ADCY8: variants seen among roughly 807,000 people sequenced by gnomAD.
The protein encoded by ADCY8 is adenylate cyclase 8, also known as adenylate cyclase type 8.
In ADCY8, 51 loss-of-function variants were observed where a neutral mutation model predicts 119.7. The observed-to-expected ratio is 0.43, with a 90% CI of 0.34 to 0.54. ADCY8 has a LOEUF of 0.54. Among genes scored for constraint, ADCY8 ranks in the 20% least tolerant of loss-of-function variants. ADCY8 has a pLI of 0.03. For synonymous variants in ADCY8, 665 were observed against 651.0 expected, an observed-to-expected ratio of 1.02 and a Z score of -0.33; for missense variants, 1,383 against 1,598.8, an observed-to-expected ratio of 0.87 and a Z score of 2.30.
intron 5 of ADCY8, among the ~76,000 whole-genome samples, chr8:130,936,438 T>A (rs1264287838): frequency 6.6e-6 from 1 of 152,220 alleles, no homozygotes. Flanking sequence ...GAAGGTCATA[T>A]GGGCTCTGGC....
chr8:130,794,585 C>T (rs1311598376), intron 15 of ADCY8, among the ~76,000 whole-genome samples: 1 of 152,134 alleles, frequency 6.6e-6, no homozygotes, highest in Admixed American at 6.5e-5. Context: ...TTTGTTACAG[C>T]CACACTAGAA....
intron 12 of ADCY8, among the ~76,000 whole-genome samples, chr8:130,829,106 C>T (rs1238763130): frequency 6.6e-6 from 1 of 152,206 alleles, no homozygotes; most frequent in Non-Finnish European, 1.5e-5. Context: ...CCTAGTTCCT[C>T]TGGTTCCATG....
rs559150521 is a variant in ADCY8 at position 130,840,153 on chromosome 8, T to G, written c.2503-3704A>C. ...AGTATGAGGAAAAGGCAGTGAGTTC[T>G]TTTTTTAGGCCTATCAAGCTTTAGG... On this transcript the variant is annotated intron_variant, in intron 11 of 17. Transcript: ENST00000286355. Among the ~76,000 whole-genome samples the G allele has an allele frequency of 7.9e-5, 11 of 139,176 alleles. 4 individuals carry two copies. The highest frequency in any genetic ancestry group is 1.8e-4 in the Non-Finnish European group (11 of 61,642). 91.3% of individuals were successfully genotyped at this position (139,176 alleles called of 152,430 possible). A position where few individuals can be genotyped will look rare whatever the true frequency, so the allele number is the denominator to read the frequency against.
intron 2 of ADCY8, among the ~76,000 whole-genome samples, chr8:130,967,805 C>G (rs1420685666): frequency 6.6e-6 from 1 of 152,064 alleles, no homozygotes; most frequent in Non-Finnish European, 1.5e-5. Flanking sequence ...AAAGCTCTTT[C>G]CTGATTTGTT....
At chr8:130,952,540 A>G (rs1821305427) in intron 2 of ADCY8, among the ~76,000 whole-genome samples, 1 of 138,318 alleles carries the variant, frequency 7.2e-6, no homozygotes. Flanking sequence ...GGTGATAGCA[A>G]TGAGGTTGGA....
At chr8:130,910,006 C>A (rs372897870) in intron 5 of ADCY8, 140 bp from the exon 6 acceptor site, 1 of 732,402 alleles carries the variant, frequency 1.4e-6, no homozygotes, top group African/African-American at 1.8e-5. Flanking sequence ...GGAGCTGCAA[C>A]CTCTGCCTCC....
intron 7 of ADCY8, among the ~76,000 whole-genome samples, chr8:130,887,315 A>G (rs1819025616): frequency 6.6e-6 from 1 of 152,106 alleles, no homozygotes; most frequent in South Asian, 2.1e-4. Context: ...TTGGCTGTCT[A>G]TGTGGTTGCT....
chr8:130,897,851 T>A (rs1381060955), intron 7 of ADCY8, among the ~76,000 whole-genome samples: 2 of 138,704 alleles, frequency 1.4e-5, no homozygotes, highest in African/African-American at 5.3e-5. Flanking sequence ...ACATACATAA[T>A]ACACATATAA....
intron 7 of ADCY8, among the ~76,000 whole-genome samples, chr8:130,897,134 C>A (rs1250766124): frequency 1.3e-5 from 2 of 152,036 alleles, no homozygotes; most frequent in Non-Finnish European, 1.5e-5. Flanking sequence ...TCAATTCCTG[C>A]AGAGATTTAC....
intron 2 of ADCY8, among the ~76,000 whole-genome samples, chr8:130,981,693 GT>G (rs1297674075): frequency 1.3e-5 from 2 of 152,166 alleles, no homozygotes; most frequent in Non-Finnish European, 2.9e-5. Context: ...TGAATCAAGG[GT>G]AGCATTAAAA....
intron 15 of ADCY8, among the ~76,000 whole-genome samples, chr8:130,792,588 C>T (rs921480596): frequency 1.3e-5 from 2 of 152,170 alleles, no homozygotes; most frequent in Non-Finnish European, 2.9e-5. Flanking sequence ...CAGAATAAAA[C>T]CCATATAACC....
intron 3 of ADCY8, 105 bp downstream of exon 3, chr8:130,951,763 A>G: frequency 7.2e-7 from 1 of 1,394,360 alleles, no homozygotes. Flanking sequence ...CCAGATGAGG[A>G]AAGGTGCTGA....
At chr8:130,815,726 C>T (rs902649086) in intron 13 of ADCY8, among the ~76,000 whole-genome samples, 1 of 152,214 alleles carries the variant, frequency 6.6e-6, no homozygotes, top group African/African-American at 2.4e-5. Context: ...ACAGATATAG[C>T]TTAGAGTTCT....
At chr8:130,781,022 T>A (rs1395447630) in intron 17 of ADCY8, 145 bp from the exon 18 acceptor site, 3 of 1,069,936 alleles carry the variant, frequency 2.8e-6, no homozygotes, top group South Asian at 1.6e-5. Flanking sequence ...AGTCACTTAT[T>A]AGATGTATCA....
At chr8:131,003,472 C>T (rs1823018112) in intron 1 of ADCY8, among the ~76,000 whole-genome samples, 1 of 152,058 alleles carries the variant, frequency 6.6e-6, no homozygotes, top group African/African-American at 2.4e-5. Flanking sequence ...ATAATTATTC[C>T]AGGAGTGTTT....
At chr8:130,936,499 A>G (rs1466177030) in intron 5 of ADCY8, among the ~76,000 whole-genome samples, 3 of 152,112 alleles carry the variant, frequency 2.0e-5, no homozygotes, top group African/African-American at 7.2e-5. Context: ...CCCAGGCTTC[A>G]CAGTAGCCAT....
intron 15 of ADCY8, among the ~76,000 whole-genome samples, chr8:130,787,715 A>C (rs115520327): frequency 0.053 from 8,039 of 151,506 alleles, 243 homozygotes; most frequent in South Asian, 0.076. Context: ...CATTTGTGTG[A>C]GTATGCATTT....
At chr8:130,937,029 T>C (rs1820807719) in intron 5 of ADCY8, 44 bp downstream of exon 5, 2 of 1,579,700 alleles carry the variant, frequency 1.3e-6, no homozygotes, top group Non-Finnish European at 1.7e-6. Flanking sequence ...CCTGTGATCG[T>C]GCACATTGAA....
Position 130,780,323 on chromosome 8 carries a change from T to A in ADCY8, c.*67A>T. ...TCCTTGTTCTAAAAAAAATTAAACC[T>A]TTTTATTAGTATATTTATTTTATAT... On this transcript the variant is annotated 3_prime_UTR_variant, in exon 18 of 18. Coordinates refer to ENST00000286355, the MANE Select transcript of ADCY8 (RefSeq NM_001115.3). 1 of 1,170,048 alleles carries A rather than the reference T, an allele frequency of 8.5e-7. No individual in the cohort carries two copies. The highest frequency in any genetic ancestry group is 1.1e-6 in the Non-Finnish European group (1 of 924,678). The allele number at this position is 1,170,048 out of a possible 1,614,324, so 72.5% of individuals were successfully genotyped here.
Sources: gnomAD v4.1 joint callset for allele counts (sites outside exome capture counted in the v4.1 genomes callset) on GRCh38, gnomAD v4.1.1 for gene constraint, MANE v1.5 for transcripts, NCBI Gene and HGNC (gene_info 2026-07-23, HGNC 2026-07-21) for gene names.